TMEM74: variants seen among roughly 807,000 people sequenced by gnomAD.
The protein encoded by TMEM74 is transmembrane protein 74.
A neutral mutation model predicts 18.1 loss-of-function variants in TMEM74; 13 were observed. The observed-to-expected ratio is 0.72, with a 90% CI of 0.47 to 1.14. The LOEUF is 1.14. TMEM74 is among the 50% of genes most tolerant of loss of function. The pLI, the probability that TMEM74 is intolerant of heterozygous loss-of-function variation, is 0.00. For missense variants in TMEM74, 372 were observed against 375.9 expected, an observed-to-expected ratio of 0.99 and a Z score of 0.09; for synonymous variants, 159 against 146.6, an observed-to-expected ratio of 1.08 and a Z score of -0.61.
intron 1 of TMEM74, among the ~76,000 whole-genome samples, chr8:108,756,551 A>AGAAAGAAAGAAG (rs1169080742): frequency 3.5e-5 from 2 of 57,468 alleles, no homozygotes; most frequent in East Asian, 8.5e-4. Context: ...TGTAAAGAAA[A>AGAAAGAAAGAAG]GAAAGAAAGA....
intron 2 of TMEM74, among the ~76,000 whole-genome samples, chr8:108,612,069 T>C (rs1812339500): frequency 6.6e-6 from 1 of 152,090 alleles, no homozygotes; most frequent in Non-Finnish European, 1.5e-5. Flanking sequence ...GAGAACAGCA[T>C]GGAGGTAACC....
intron 1 of TMEM74, among the ~76,000 whole-genome samples, chr8:108,715,577 G>T (rs1813515278): frequency 6.6e-6 from 1 of 152,054 alleles, no homozygotes; most frequent in African/African-American, 2.4e-5. Context: ...TTGTGTTTAT[G>T]TCATGTAATA....
At chr8:108,629,946 C>T (rs189929789) in intron 2 of TMEM74, among the ~76,000 whole-genome samples, 10 of 152,088 alleles carry the variant, frequency 6.6e-5, no homozygotes, top group African/African-American at 1.4e-4. Flanking sequence ...AAATAACCAG[C>T]GAGCATCTTG....
intron 1 of TMEM74, among the ~76,000 whole-genome samples, chr8:108,692,488 C>T (rs955863024): frequency 2.6e-5 from 4 of 152,076 alleles, no homozygotes; most frequent in Non-Finnish European, 5.9e-5. Context: ...ATTCTTTTTG[C>T]TATTTCTGGA....
At chr8:108,617,465 C>T (rs1351389009) in intron 2 of TMEM74, among the ~76,000 whole-genome samples, 1 of 152,060 alleles carries the variant, frequency 6.6e-6, no homozygotes, top group Non-Finnish European at 1.5e-5. Context: ...TAGGAAGCCC[C>T]ACTACCCCAC....
chr8:108,719,737 G>T (rs932243408), intron 1 of TMEM74, among the ~76,000 whole-genome samples: 2 of 152,006 alleles, frequency 1.3e-5, no homozygotes, highest in African/African-American at 4.8e-5. Context: ...AGATTTACTT[G>T]TATCATCAAA....
chr8:108,748,069 G>A (rs1428054285), intron 1 of TMEM74, among the ~76,000 whole-genome samples: 1 of 152,074 alleles, frequency 6.6e-6, no homozygotes, highest in Non-Finnish European at 1.5e-5. Context: ...ATTCCTTTGG[G>A]TATATAACCA....
chr8:108,622,950 T>A (rs1812457655), intron 2 of TMEM74, among the ~76,000 whole-genome samples: 1 of 152,110 alleles, frequency 6.6e-6, no homozygotes, highest in Non-Finnish European at 1.5e-5. Context: ...TAATATGGTA[T>A]GTACATTCAA....
chr8:108,767,920 AAAG>A (rs1270809282), intron 1 of TMEM74, among the ~76,000 whole-genome samples: 1 of 152,102 alleles, frequency 6.6e-6, no homozygotes, highest in Non-Finnish European at 1.5e-5. Flanking sequence ...TCTTTTACTC[AAAG>A]AAGATTAGTT....
chr8:108,615,819 C>CTTGTTTTTTT (rs1812376921), intron 2 of TMEM74, among the ~76,000 whole-genome samples: 1 of 76,418 alleles, frequency 1.3e-5, no homozygotes, highest in African/African-American at 5.4e-5. Context: ...TGCATGGGAG[C>CTTGTTTTTTT]TTTTTTTTTT....
intron 1 of TMEM74, among the ~76,000 whole-genome samples, chr8:108,658,813 A>G (rs1424131556): frequency 6.6e-6 from 1 of 152,214 alleles, no homozygotes; most frequent in Non-Finnish European, 1.5e-5. Flanking sequence ...TTAGAAAAAC[A>G]TAGGTAGTTA....
chr8:108,722,988 C>T (rs1392533825), intron 1 of TMEM74, among the ~76,000 whole-genome samples: 4 of 152,144 alleles, frequency 2.6e-5, no homozygotes, highest in Non-Finnish European at 5.9e-5. Flanking sequence ...GACTGACCTA[C>T]CTCATGATCT....
intron 2 of TMEM74, among the ~76,000 whole-genome samples, chr8:108,628,523 A>C (rs985306733): frequency 3.9e-4 from 59 of 152,060 alleles, no homozygotes; most frequent in African/African-American, 1.4e-3. Flanking sequence ...TTCTTTATCC[A>C]GTCTATCATT....
At chr8:108,608,451 G>T (rs1206220917) in intron 3 of TMEM74, among the ~76,000 whole-genome samples, 1 of 152,174 alleles carries the variant, frequency 6.6e-6, no homozygotes, top group Non-Finnish European at 1.5e-5. Context: ...GTAAGAGAGA[G>T]TATTCATCTC....
At chr8:108,727,210 C>T (rs1326068264) in intron 1 of TMEM74, among the ~76,000 whole-genome samples, 2 of 152,092 alleles carry the variant, frequency 1.3e-5, no homozygotes, top group Admixed American at 1.3e-4. Flanking sequence ...TTGGGAGCTT[C>T]TGTAAAGTTT....
intron 1 of TMEM74, among the ~76,000 whole-genome samples, chr8:108,726,198 C>T (rs1408547503): frequency 6.6e-6 from 1 of 152,050 alleles, no homozygotes; most frequent in African/African-American, 2.4e-5. Context: ...AGGTCTCTAA[C>T]CAGTCTAAAA....
At chr8:108,609,848 T>C (rs1282079368) in intron 2 of TMEM74, among the ~76,000 whole-genome samples, 1 of 152,184 alleles carries the variant, frequency 6.6e-6, no homozygotes, top group Non-Finnish European at 1.5e-5. Context: ...AGCAATTGCT[T>C]AAGCATGTGT....
chr8:108,727,533 G>A (rs977435341), intron 1 of TMEM74, among the ~76,000 whole-genome samples: 5 of 152,156 alleles, frequency 3.3e-5, no homozygotes, highest in African/African-American at 1.2e-4. Context: ...ACTGAGATGT[G>A]GGGAGCTGTG....
At chr8:108,672,145 G>A (rs560277625) in intron 1 of TMEM74, among the ~76,000 whole-genome samples, 6 of 152,314 alleles carry the variant, frequency 3.9e-5, no homozygotes, top group African/African-American at 1.4e-4. Context: ...CCAACTGAGT[G>A]TGGTTAGTTT....
Sources: allele counts gnomAD v4.1 joint callset (sites outside exome capture counted in the v4.1 genomes callset), GRCh38; gene constraint gnomAD v4.1.1; transcripts MANE v1.5; gene names NCBI Gene and HGNC (gene_info 2026-07-23, HGNC 2026-07-21).